SAA4: variants seen among roughly 807,000 people sequenced by gnomAD.
SAA4 encodes serum amyloid A4, constitutive.
Under a neutral mutation model 11.2 loss-of-function variants are expected in SAA4, and 8 were observed. The observed-to-expected ratio is 0.71, with a 90% confidence interval of 0.42 to 1.29. The LOEUF is 1.29. Ranked by LOEUF, SAA4 falls within the 50% of genes most tolerant of loss-of-function variation. The pLI, the probability that SAA4 is intolerant of heterozygous loss-of-function variation, is 0.01. For missense variants in SAA4, 171 were observed against 164.2 expected, an observed-to-expected ratio of 1.04 and a Z score of -0.23; for synonymous variants, 60 against 56.2, an observed-to-expected ratio of 1.07 and a Z score of -0.30.
Position 18,234,937 on chromosome 11 carries a change from A to G in SAA4, c.91+899T>C, listed in dbSNP as rs536097099. ...CTTCTAAGATTCTGACTCAGTAACT[A>G]TGAGAAGAGGCTTCAGAGTGTACTT... On this transcript the variant is annotated intron_variant, in intron 2 of 3. Coordinates refer to ENST00000278222, the MANE Select transcript of SAA4 (RefSeq NM_006512.4). Among the ~76,000 whole-genome samples, 191 of 152,350 alleles carry G rather than the reference A, an allele frequency of 1.3e-3. 1 individual carries two copies. Among genetic ancestry groups the G allele is most frequent in the South Asian group, 0.012 (60 of 4,828 alleles).
chr11:18,231,537 G>A lies in SAA4; in HGVS notation c.358C>T (p.Arg120Cys), dbSNP rs74389187. Residue 120 changes from arginine to cysteine, a missense_variant, in exon 4 of 4, where the codon CGC becomes TGC. Physicochemically the swap from Arg to Cys is radical, Grantham distance 180 (BLOSUM62 -3). Coordinates refer to ENST00000278222, the MANE Select transcript of SAA4 (RefSeq NM_006512.4). ...TTAGGCAGGCCGTCAGGTCTGAAGC[G>A]GTCGGGGTCTTTGCCACTCCGGCCC... ...EWGRSGKDPD[R>C]FRPDGLPKKY 1.4e-3 allele frequency: 2,216 copies of A among 1,613,952 alleles called. 30 individuals are homozygous for A. In the African/African-American group the frequency reaches 0.025, roughly 18 times the overall value.
At chr11:18,232,749 T>C (rs1374271935) in intron 2 of SAA4, among the ~76,000 whole-genome samples, 3 of 152,354 alleles carry the variant, frequency 2.0e-5, no homozygotes, top group Non-Finnish European at 4.4e-5. Flanking sequence ...TGGTTGGCAG[T>C]TGTCATGCCC....
At chr11:18,232,352 G>A in intron 3 of SAA4, 43 bp downstream of exon 3, 1 of 1,604,878 alleles carries the variant, frequency 6.2e-7, no homozygotes, top group Non-Finnish European at 8.5e-7. Context: ...AGACAGATAG[G>A]CACTGCTGGC....
rs1447390808 is a variant in SAA4 at position 18,231,525 on chromosome 11, C to G, written c.370G>C (p.Asp124His). The change falls in exon 4 of 4, where the codon GAC becomes CAC. Residue 124 changes from aspartate (D) to histidine (H), a missense_variant. Asp to His is a moderately conservative substitution (Grantham distance 81, BLOSUM62 -1). Transcript: ENST00000278222. Reference protein sequence around the residue: ...SGKDPDRFRPDGLPKKY With the variant: ...SGKDPDRFRPHGLPKKY Reference sequence around the variant, plus strand: ...GCTCAGTATTTCTTAGGCAGGCCGTCAGGTCTGAAGCGGTCGGGGTCTTTG... The same window carrying G: ...GCTCAGTATTTCTTAGGCAGGCCGTGAGGTCTGAAGCGGTCGGGGTCTTTG... The G allele has an allele frequency of 6.2e-7, 1 of 1,612,810 alleles. No homozygotes were observed. Among genetic ancestry groups the G allele is most frequent in the Non-Finnish European group, 8.5e-7 (1 of 1,179,816 alleles).
chr11:18,234,722 G>A (rs967850370), intron 2 of SAA4, among the ~76,000 whole-genome samples: 2 of 152,230 alleles, frequency 1.3e-5, no homozygotes, highest in Non-Finnish European at 2.9e-5. Context: ...GGCATGGCAT[G>A]ACTGTCCTTT....
chr11:18,232,668 T>G (rs1193507655), intron 2 of SAA4, 135 bp from the exon 3 acceptor site: 1 of 1,319,128 alleles, frequency 7.6e-7, no homozygotes, highest in African/African-American at 1.5e-5. Context: ...AGATAAACAT[T>G]ACTTCCTGTG....
chr11:18,231,444 G>A lies in SAA4; in HGVS notation c.*58C>T, dbSNP rs573398285. On this transcript the variant is annotated 3_prime_UTR_variant, in exon 4 of 4. Coordinates refer to ENST00000278222, the MANE Select transcript of SAA4 (RefSeq NM_006512.4). ...GCTCAGTGACCCTGTGTCCCTGTCT[G>A]GGGGGAGAAGTGTGTGGCTCACAGC... 43 of 1,579,950 alleles carry A rather than the reference G, an allele frequency of 2.7e-5. No individual in the cohort carries two copies. Among genetic ancestry groups the A allele is most frequent in the Non-Finnish European group, 3.6e-5 (42 of 1,165,614 alleles).
rs764175471 is a variant in SAA4 at position 18,232,418 on chromosome 11, A to G, written c.207T>C (p.Gly69=). 1.8e-5 allele frequency: 29 copies of G among 1,613,432 alleles called. 1 individual carries two copies. The Middle Eastern group carries it at 8.2e-4, about 46-fold the overall frequency. ...ACCTGATGAGTTTAGCAGCCCAGACACCCCCAGGTCCTCTTTGGGCAGCAT... is the reference window on the plus strand; with the variant it reads ...ACCTGATGAGTTTAGCAGCCCAGACGCCCCCAGGTCCTCTTTGGGCAGCAT... ...NYDAAQRGPG[G]VWAAKLISRS... The change falls in exon 3 of 4, where the codon GGT becomes GGC. Residue 69 remains glycine (G), a synonymous_variant. Coordinates refer to ENST00000278222, the MANE Select transcript of SAA4 (RefSeq NM_006512.4).
intron 1 of SAA4, 123 bp from the exon 2 acceptor site, chr11:18,236,053 C>G: frequency 6.2e-6 from 6 of 967,582 alleles, no homozygotes; most frequent in South Asian, 1.8e-5. Flanking sequence ...TCCTTCCTTT[C>G]TTTCTTTCCT....
At position 18,231,497 on chromosome 11, in the gene SAA4, GA is replaced by G. The variant is rs1310904130; in HGVS notation, c.*4del. ...AGTTTCCCTGAGAGCAGAGGAGCAG[GA>G]AGCTCAGTATTTCTTAGGCAGGCCG... On this transcript the variant is annotated 3_prime_UTR_variant, in exon 4 of 4. Transcript: ENST00000278222. 2 of 1,610,788 alleles carry G rather than the reference GA, an allele frequency of 1.2e-6. No homozygotes were observed. Among genetic ancestry groups the G allele is most frequent in the Admixed American group, 3.4e-5 (2 of 59,648 alleles).
At chr11:18,234,083 C>A (rs974130903) in intron 2 of SAA4, among the ~76,000 whole-genome samples, 1 of 152,068 alleles carries the variant, frequency 6.6e-6, no homozygotes, top group African/African-American at 2.4e-5. Flanking sequence ...CAATGGAATA[C>A]TATGTAGCAA....
chr11:18,234,370 T>C (rs1188160866), intron 2 of SAA4, among the ~76,000 whole-genome samples: 1 of 152,234 alleles, frequency 6.6e-6, no homozygotes, highest in Non-Finnish European at 1.5e-5. Flanking sequence ...GATGTTTGTA[T>C]GTGTAAAAAC....
Position 18,231,472 on chromosome 11 carries a change from A to AGTTT in SAA4, c.*26_*29dup, listed in dbSNP as rs1420316254. The AGTTT allele has an allele frequency of 3.7e-6, 6 of 1,602,008 alleles. No individual in the cohort carries two copies. Among genetic ancestry groups the AGTTT allele is most frequent in the Middle Eastern group, 2.2e-4 (1 of 4,480 alleles). On this transcript the variant is annotated 3_prime_UTR_variant, in exon 4 of 4. Coordinates refer to ENST00000278222, the MANE Select transcript of SAA4 (RefSeq NM_006512.4). ...GGGAGAAGTGTGTGGCTCACAGCCCAGTTTCCCTGAGAGCAGAGGAGCAGG... is the reference window on the plus strand; with the variant it reads ...GGGAGAAGTGTGTGGCTCACAGCCCAGTTTGTTTCCCTGAGAGCAGAGGAGCAGG...
chr11:18,232,700 TAAGG>T (rs1857153519), intron 2 of SAA4, among the ~76,000 whole-genome samples, 167 bp from the exon 3 acceptor site: 1 of 152,238 alleles, frequency 6.6e-6, no homozygotes, highest in Admixed American at 6.5e-5. Context: ...TGAGTAACTG[TAAGG>T]AAGGTGCTTT....
At position 18,232,458 on chromosome 11, in the gene SAA4, G is replaced by A. The variant is rs943824219; in HGVS notation, c.167C>T (p.Ala56Val). 6.2e-7 allele frequency: 1 copy of A among 1,614,136 alleles called. No homozygotes were observed. The highest frequency in any genetic ancestry group is 8.5e-7 in the Non-Finnish European group (1 of 1,180,020). The stretch of plus-strand genomic sequence containing the variant: ...TTGGGCAGCATCATAGTTTCCCCGA[G>A]CATAGAGATATCTGTTTGAATTTTG... ...NHQNSNRYLYARGNYDAAQRG... is the reference protein window; with the variant it reads ...NHQNSNRYLYVRGNYDAAQRG... The change falls in exon 3 of 4, where the codon GCT becomes GTT. Residue 56 changes from alanine (A) to valine (V), a missense_variant. Physicochemically the swap from Ala to Val is moderately conservative, Grantham distance 64. Coordinates refer to ENST00000278222, the MANE Select transcript of SAA4 (RefSeq NM_006512.4).
chr11:18,236,012 T>C, intron 1 of SAA4, 82 bp from the exon 2 acceptor site: 2 of 1,311,200 alleles, frequency 1.5e-6, no homozygotes, highest in South Asian at 1.5e-5. Context: ...TCTTTCCTTT[T>C]TTTCTTTCTT....
chr11:18,236,561 A>G (rs1857217400), intron 1 of SAA4, among the ~76,000 whole-genome samples, 156 bp downstream of exon 1: 1 of 152,342 alleles, frequency 6.6e-6, no homozygotes, highest in South Asian at 2.1e-4. Context: ...ACTAAAGTCA[A>G]TCAAGAAGCA....
chr11:18,231,592 G>C lies in SAA4; in HGVS notation c.303C>G (p.Asp101Glu), dbSNP rs1180506933. 5 of 1,614,054 alleles carry C rather than the reference G, an allele frequency of 3.1e-6. No homozygotes were observed. The highest frequency in any genetic ancestry group is 4.2e-6 in the Non-Finnish European group (5 of 1,180,056). ...CCTCAGCTTTCTCGTTGGACTTCGA[G>C]TCCTCCAATACAGTGCTGCTGTTTC... ...LFGNSSTVLE[D>E]SKSNEKAEEW... is the part of the protein sequence containing the mutation. The change falls in exon 4 of 4, where the codon GAC becomes GAG. Residue 101 changes from aspartate to glutamate, a missense_variant. Transcript: ENST00000278222.
intron 2 of SAA4, among the ~76,000 whole-genome samples, chr11:18,233,933 T>C (rs1421386477): frequency 6.6e-6 from 1 of 152,134 alleles, no homozygotes; most frequent in Non-Finnish European, 1.5e-5. Context: ...TTCCTGAGTG[T>C]ATACCCACAA....
Sources: gnomAD v4.1 joint callset for allele counts (sites outside exome capture counted in the v4.1 genomes callset) on GRCh38, gnomAD v4.1.1 for gene constraint, MANE v1.5 for transcripts, NCBI Gene and HGNC (gene_info 2026-07-23, HGNC 2026-07-21) for gene names.